Variants in ST6GALNAC3 observed in about 807,000 individuals in gnomAD.
ST6GALNAC3 encodes the protein alpha-N-acetylgalactosaminide alpha-2,6-sialyltransferase 3.
In ST6GALNAC3, 25 loss-of-function variants were observed where a neutral mutation model predicts 32.7. The ratio of observed to expected loss-of-function variants is 0.76; its 90% CI spans 0.56 to 1.07. ST6GALNAC3 has a LOEUF of 1.07. Ranked by LOEUF, ST6GALNAC3 falls within the 50% of genes least tolerant of loss-of-function variation. ST6GALNAC3 has a pLI of 0.00. For synonymous variants in ST6GALNAC3, 129 were observed against 133.1 expected, an observed-to-expected ratio of 0.97 and a Z score of 0.21; for missense variants, 355 against 382.4, an observed-to-expected ratio of 0.93 and a Z score of 0.60.
chr1:76,476,843 G>T (rs1659388377), intron 3 of ST6GALNAC3, among the ~76,000 whole-genome samples: 1 of 152,142 alleles, frequency 6.6e-6, no homozygotes, highest in African/African-American at 2.4e-5. Context: ...TGTACAAGTA[G>T]CTTGAATAGC....
At chr1:76,360,461 A>T (rs763020497) in intron 2 of ST6GALNAC3, among the ~76,000 whole-genome samples, 1 of 152,222 alleles carries the variant, frequency 6.6e-6, no homozygotes, top group Non-Finnish European at 1.5e-5. Context: ...ATACCTAACC[A>T]GTTAATAACT....
At chr1:76,502,621 C>A (rs1661240033) in intron 3 of ST6GALNAC3, among the ~76,000 whole-genome samples, 1 of 152,148 alleles carries the variant, frequency 6.6e-6, no homozygotes, top group South Asian at 2.1e-4. Context: ...TGGATTAAGG[C>A]CCATCCTAAC....
intron 3 of ST6GALNAC3, among the ~76,000 whole-genome samples, chr1:76,507,428 C>T (rs973503549): frequency 6.6e-6 from 1 of 152,144 alleles, no homozygotes; most frequent in Non-Finnish European, 1.5e-5. Flanking sequence ...ACCTCTTAGC[C>T]AACACCTCTC....
At chr1:76,143,434 T>C (rs949316820) in intron 1 of ST6GALNAC3, among the ~76,000 whole-genome samples, 2 of 150,984 alleles carry the variant, frequency 1.3e-5, no homozygotes, top group African/African-American at 4.8e-5. Context: ...TCCGTCTGTG[T>C]GTGCATGTAT....
At chr1:76,505,652 C>A (rs1357149707) in intron 3 of ST6GALNAC3, among the ~76,000 whole-genome samples, 1 of 152,116 alleles carries the variant, frequency 6.6e-6, no homozygotes, top group Non-Finnish European at 1.5e-5. Context: ...AGTAGAATCA[C>A]CTCAACATCC....
At chr1:76,089,039 T>C (rs974615607) in intron 1 of ST6GALNAC3, among the ~76,000 whole-genome samples, 1 of 151,454 alleles carries the variant, frequency 6.6e-6, no homozygotes, top group East Asian at 1.9e-4. Context: ...AAGGATTTTG[T>C]TTTTTTTGAG....
chr1:76,516,527 A>C (rs185563339), intron 3 of ST6GALNAC3, among the ~76,000 whole-genome samples: 22 of 152,286 alleles, frequency 1.4e-4, no homozygotes, highest in Non-Finnish European at 2.9e-4. Context: ...TTGCTATGTC[A>C]GAGGATATTT....
At chr1:76,086,139 C>G (rs1646961574) in intron 1 of ST6GALNAC3, among the ~76,000 whole-genome samples, 1 of 152,168 alleles carries the variant, frequency 6.6e-6, no homozygotes, top group South Asian at 2.1e-4. Context: ...CATATCAAAT[C>G]CTTTCTCACA....
chr1:76,108,721 G>A (rs1480614848), intron 1 of ST6GALNAC3, among the ~76,000 whole-genome samples: 2 of 152,082 alleles, frequency 1.3e-5, no homozygotes, highest in African/African-American at 2.4e-5. Flanking sequence ...TAAATCCCTC[G>A]ATCGAAACAA....
chr1:76,525,832 C>T (rs116307554), intron 3 of ST6GALNAC3, among the ~76,000 whole-genome samples: 3,701 of 54,640 alleles, frequency 0.068, 180 homozygotes, highest in African/African-American at 0.15. Flanking sequence ...TATATATGAC[C>T]GTTTTGCAGG....
At chr1:76,441,100 A>T (rs536816089) in intron 3 of ST6GALNAC3, among the ~76,000 whole-genome samples, 4 of 148,566 alleles carry the variant, frequency 2.7e-5, no homozygotes, top group Non-Finnish European at 5.9e-5. Flanking sequence ...AAAAAAAAAA[A>T]AAAAAAAATA....
chr1:76,134,051 A>G (rs1376596578), intron 1 of ST6GALNAC3, among the ~76,000 whole-genome samples: 2 of 152,206 alleles, frequency 1.3e-5, no homozygotes, highest in Non-Finnish European at 2.9e-5. Flanking sequence ...AATTCACCGT[A>G]TACCCAGAAC....
chr1:76,621,169 A>T (rs341020), intron 3 of ST6GALNAC3, among the ~76,000 whole-genome samples: 24,095 of 151,770 alleles, frequency 0.16, 3,338 homozygotes, highest in African/African-American at 0.38. Context: ...AAGGGTCCTG[A>T]TGATTCTCCG....
chr1:76,432,443 CTTTTTTTTTTTTT>C (rs35527607), intron 3 of ST6GALNAC3, among the ~76,000 whole-genome samples: 928 of 57,216 alleles, frequency 0.016, 38 homozygotes, highest in Admixed American at 0.12. Context: ...CCTTTATTGC[CTTTTTTTTTTTTT>C]TTTTTTTTTT....
chr1:76,213,745 C>T (rs1655300530), intron 1 of ST6GALNAC3, among the ~76,000 whole-genome samples: 1 of 152,090 alleles, frequency 6.6e-6, no homozygotes, highest in South Asian at 2.1e-4. Context: ...AAATCCTGCC[C>T]AGGAGACTGC....
intron 3 of ST6GALNAC3, among the ~76,000 whole-genome samples, chr1:76,501,603 G>A (rs889535151): frequency 6.6e-6 from 1 of 152,150 alleles, no homozygotes; most frequent in African/African-American, 2.4e-5. Context: ...GAAGCTAACT[G>A]CAGTTTTTCC....
At chr1:76,438,588 T>C (rs1656333348) in intron 3 of ST6GALNAC3, among the ~76,000 whole-genome samples, 1 of 152,244 alleles carries the variant, frequency 6.6e-6, no homozygotes, top group South Asian at 2.1e-4. Context: ...CATTCTTCTC[T>C]TTTTATATCT....
At chr1:76,304,978 T>A (rs553924852) in intron 1 of ST6GALNAC3, among the ~76,000 whole-genome samples, 1 of 152,128 alleles carries the variant, frequency 6.6e-6, no homozygotes, top group African/African-American at 2.4e-5. Flanking sequence ...TAGCTGAGAA[T>A]TAAACAAAAG....
chr1:76,216,286 TCA>T (rs753698351), intron 1 of ST6GALNAC3, among the ~76,000 whole-genome samples: 1 of 152,078 alleles, frequency 6.6e-6, no homozygotes, highest in Non-Finnish European at 1.5e-5. Flanking sequence ...AGACACAGAC[TCA>T]CACACACAAA....
Sources: gnomAD v4.1 joint callset for allele counts (sites outside exome capture counted in the v4.1 genomes callset) on GRCh38, gnomAD v4.1.1 for gene constraint, MANE v1.5 for transcripts, NCBI Gene and HGNC (gene_info 2026-07-23, HGNC 2026-07-21) for gene names.